The following GLRX2 variants were observed in gnomAD, a reference collection of about 807,000 sequenced individuals.
GLRX2 encodes bA101E13.1 (GRX2 glutaredoxin (thioltransferase) 2).
In GLRX2, 12 loss-of-function variants were observed where a neutral mutation model predicts 16.4. The ratio of observed to expected loss-of-function variants is 0.73; its 90% confidence interval spans 0.47 to 1.19. The LOEUF (loss-of-function observed/expected upper bound fraction) is 1.19. Among genes scored for constraint, GLRX2 ranks in the 50% most tolerant of loss-of-function variants. The pLI is 0.00. For synonymous variants in GLRX2, 95 were observed against 76.2 expected (o/e 1.25, Z -1.28); for missense variants, 201 against 201.8 (o/e 1.00, Z 0.02).
upstream of GLRX2, chr1:193,105,791 G>C (rs907003693): frequency 2.2e-6 from 3 of 1,343,440 alleles, no homozygotes; most frequent in Non-Finnish European, 2.9e-6. Context: ...TGGTGCCTCA[G>C]ATGTTTCCAA....
intron 2 of GLRX2, among the ~76,000 whole-genome samples, chr1:193,099,309 T>C (rs1204704296): frequency 6.6e-6 from 1 of 152,114 alleles, no homozygotes; most frequent in East Asian, 1.9e-4. Flanking sequence ...TGGATAGATT[T>C]AGCACCCAGA....
At chr1:193,101,075 A>C (rs2103099935) in intron 2 of GLRX2, 66 bp downstream of exon 2, 1 of 937,396 alleles carries the variant, frequency 1.1e-6, no homozygotes, top group East Asian at 2.4e-5. Flanking sequence ...TAAGCATATT[A>C]AATATATAAG....
intron 2 of GLRX2, among the ~76,000 whole-genome samples, chr1:193,098,668 C>T (rs954164470): frequency 6.6e-5 from 10 of 152,124 alleles, no homozygotes; most frequent in African/African-American, 2.2e-4. Context: ...TCTCATGCCT[C>T]AGCCTCCCGA....
chr1:193,102,899 C>T (rs1483624253), intron 1 of GLRX2, among the ~76,000 whole-genome samples: 3 of 152,146 alleles, frequency 2.0e-5, no homozygotes, highest in Non-Finnish European at 4.4e-5. Flanking sequence ...TGAATCCTCC[C>T]TTTGTCCAGC....
intron 2 of GLRX2, among the ~76,000 whole-genome samples, chr1:193,099,994 A>G (rs1402840720): frequency 6.6e-6 from 1 of 152,156 alleles, no homozygotes; most frequent in African/African-American, 2.4e-5. Context: ...AGGTTACAAG[A>G]CACACTAACA....
upstream of GLRX2, chr1:193,105,482 C>A: frequency 1.3e-6 from 2 of 1,489,078 alleles, no homozygotes; most frequent in Non-Finnish European, 8.9e-7. Context: ...CGCCCCGTCC[C>A]GCCCCTCCGG....
In GLRX2 at chr1:193,101,055, G is replaced by A. The variant is rs1005231681; in HGVS notation, c.183+86C>T. 9.7e-6 allele frequency: 8 copies of A among 822,428 alleles called. No individual in the cohort carries two copies. In the Admixed American group the frequency reaches 1.4e-4, roughly 15 times the overall value. 50.9% of individuals were successfully genotyped at this position (822,428 alleles called of 1,614,324 possible). On this transcript the variant is annotated intron_variant, in intron 2 of 3. Transcript: ENST00000367439. ...TCATTTGCTAAACTATCTCAAGTTT[G>A]GATATTGAATAAGCATATTAAATAT...
At chr1:193,105,748 G>A, upstream of GLRX2, 4 of 1,402,282 alleles carry the variant, frequency 2.9e-6, no homozygotes, top group Non-Finnish European at 3.7e-6. Context: ...AAACGGAGGA[G>A]AAAAAACATG....
chr1:193,105,657 T>A (rs761350913), upstream of GLRX2: 1 of 1,597,438 alleles, frequency 6.3e-7, no homozygotes, highest in African/African-American at 1.4e-5. Context: ...CGCCTCTGGA[T>A]TCTTTTAGGT....
chr1:193,102,400 G>A (rs775357015), intron 1 of GLRX2, among the ~76,000 whole-genome samples: 48 of 152,108 alleles, frequency 3.2e-4, no homozygotes, highest in Non-Finnish European at 6.2e-4. Flanking sequence ...CACCGAGCCT[G>A]GAGTGCAGTG....
chr1:193,099,365 C>T (rs944859288), intron 2 of GLRX2, among the ~76,000 whole-genome samples: 2 of 152,022 alleles, frequency 1.3e-5, no homozygotes, highest in African/African-American at 4.8e-5. Context: ...TTGTTTGAGA[C>T]AGTCTTACTC....
chr1:193,097,670 C>T lies in GLRX2; in HGVS notation c.274G>A (p.Val92Ile). 6.2e-7 allele frequency: 1 copy of T among 1,613,258 alleles called. No homozygotes were observed. The highest frequency in any genetic ancestry group is 2.2e-5 in the East Asian group (1 of 44,832). ...MAKKLFHDMN[V>I]NYKVVELDLL... ...TCCAGTTCCACCACTTTATAGTTAA[C>T]ATTCATGTCATGGAAAAGCTTTTTT... The change falls in exon 3 of 4, where the codon GTT becomes ATT. Residue 92 changes from valine (V) to isoleucine (I), a missense_variant. Physicochemically the swap from Val to Ile is conservative, Grantham distance 29 (BLOSUM62 3). Coordinates refer to ENST00000367439, the MANE Select transcript of GLRX2 (RefSeq NM_197962.3).
chr1:193,101,262 G>T lies in GLRX2; in HGVS notation c.120-58C>A, dbSNP rs979440400. On this transcript the variant is annotated intron_variant, in intron 1 of 3. Transcript: ENST00000367439. ...TTAAGCATTAAGGATAATTTATCACGAGTTTTATTTGAAAAAAATCAATCT... is the reference window on the plus strand; with the variant it reads ...TTAAGCATTAAGGATAATTTATCACTAGTTTTATTTGAAAAAAATCAATCT... The T allele has an allele frequency of 7.2e-6, 8 of 1,116,806 alleles. No homozygotes were observed. The African/African-American group carries it at 9.4e-5, about 13-fold the overall frequency. The allele number at this position is 1,116,806 out of a possible 1,614,324, so 69.2% of individuals were successfully genotyped here. A position where few individuals can be genotyped will look rare whatever the true frequency, so the allele number is the denominator to read the frequency against.
intron 2 of GLRX2, among the ~76,000 whole-genome samples, chr1:193,099,502 C>T (rs907261683): frequency 6.6e-6 from 1 of 151,804 alleles, no homozygotes; most frequent in African/African-American, 2.4e-5. Context: ...CACCACACCT[C>T]GATATTTTTT....
upstream of GLRX2, chr1:193,105,677 C>A: frequency 6.4e-7 from 1 of 1,566,466 alleles, no homozygotes; most frequent in Non-Finnish European, 8.6e-7. Context: ...TTTAGGGACG[C>A]TCATAAAGGC....
intron 1 of GLRX2, among the ~76,000 whole-genome samples, chr1:193,103,834 C>A (rs2103101719): frequency 6.6e-6 from 1 of 152,210 alleles, no homozygotes; most frequent in East Asian, 1.9e-4. Context: ...GTCCTGTGCG[C>A]TTAACTCAGG....
In GLRX2 at chr1:193,105,332, C is replaced by T. The variant is rs752976891; in HGVS notation, c.51G>A (p.Arg17=). The change falls in exon 1 of 4, where the codon AGG becomes AGA. Residue 17 remains arginine, a synonymous_variant. Transcript: ENST00000367439. ...ALAGTRLVWS[R]SGSAGWLDRA... ...TGTCAAGCCAGCCTGCCGAGCCGCTCCTGCTCCAAACCAGCCGCGTCCCCG... is the reference window on the plus strand; with the variant it reads ...TGTCAAGCCAGCCTGCCGAGCCGCTTCTGCTCCAAACCAGCCGCGTCCCCG... 8 of 1,548,976 alleles carry T rather than the reference C, an allele frequency of 5.2e-6. No homozygotes were observed. The highest frequency in any genetic ancestry group is 1.2e-5 in the South Asian group (1 of 85,316).
At chr1:193,099,978 TGCCTCA>T (rs1377474326) in intron 2 of GLRX2, among the ~76,000 whole-genome samples, 2 of 152,176 alleles carry the variant, frequency 1.3e-5, no homozygotes, top group Non-Finnish European at 2.9e-5. Context: ...TCCACCATGC[TGCCTCA>T]GGTTACAAGA....
chr1:193,098,112 C>T (rs1674997087), intron 2 of GLRX2, among the ~76,000 whole-genome samples: 1 of 152,102 alleles, frequency 6.6e-6, no homozygotes, highest in South Asian at 2.1e-4. Context: ...ATTATTGTCC[C>T]CACTTCACAG....
Sources: gnomAD v4.1 joint callset for allele counts (sites outside exome capture counted in the v4.1 genomes callset) on GRCh38, gnomAD v4.1.1 for gene constraint, MANE v1.5 for transcripts, NCBI Gene and HGNC (gene_info 2026-07-23, HGNC 2026-07-21) for gene names.